Variants in PDE4C observed in about 807,000 individuals in gnomAD.
PDE4C encodes 3',5'-cyclic-AMP phosphodiesterase 4C.
A neutral mutation model predicts 63.9 loss-of-function variants in PDE4C; 50 were observed. That is an observed-to-expected ratio of 0.78 (90% confidence interval 0.62 to 0.99). The LOEUF is 0.99. Ranked by LOEUF, PDE4C falls within the 50% of genes least tolerant of loss-of-function variation. The pLI is 0.00. For missense variants in PDE4C, 777 were observed against 899.1 expected (o/e 0.86, Z 1.74); for synonymous variants, 377 against 385.1 (o/e 0.98, Z 0.25).
intron 8 of PDE4C, 23 bp downstream of exon 8, chr19:18,219,211 T>C (rs1968350909): frequency 6.2e-7 from 1 of 1,613,878 alleles, no homozygotes; most frequent in African/African-American, 1.3e-5. Context: ...ACCTTGATCT[T>C]GGCATTGTGG....
At chr19:18,250,329 G>A, upstream of PDE4C, 1 of 399,130 alleles carries the variant, frequency 2.5e-6, no homozygotes, top group South Asian at 1.3e-4. Flanking sequence ...ACCTCGTCCA[G>A]GTTCTCAAAC....
exon 2 of PDE4C, chr19:18,222,185 G>C: frequency 6.2e-7 from 1 of 1,614,174 alleles, no homozygotes; most frequent in East Asian, 2.2e-5. Context: ...AGAGTTCATA[G>C]TCGCTATCTG....
In PDE4C at chr19:18,220,965, C is replaced by A. The variant is rs901778043; in HGVS notation, c.450-42G>T. On this transcript the variant is annotated intron_variant, in intron 4 of 14. Coordinates refer to ENST00000262805, the Ensembl canonical transcript of PDE4C. This position sits in a 1 kb window ranked among gnomAD's most constrained non-coding sequence, Gnocchi z 5.1. ...TCAGGCGTGGCTGCTCCGCCCATCT[C>A]GCCCCGCCCCCAAGTCCACCAGGCC... 1 of 1,576,258 alleles carries A rather than the reference C, an allele frequency of 6.3e-7. No individual in the cohort carries two copies. The highest frequency in any genetic ancestry group is 2.3e-5 in the East Asian group (1 of 43,890).
chr19:18,211,597 C>G (rs1023945412), intron 14 of PDE4C, 162 bp downstream of exon 14: 33 of 751,476 alleles, frequency 4.4e-5, no homozygotes, highest in Non-Finnish European at 6.8e-5. Flanking sequence ...CTCCCTGAAG[C>G]CCAGAGAGAA....
upstream of PDE4C, among the ~76,000 whole-genome samples, chr19:18,227,473 C>T (rs1317171679): frequency 1.3e-5 from 2 of 152,164 alleles, no homozygotes; most frequent in African/African-American, 4.8e-5. Flanking sequence ...AAACCTCAGC[C>T]GCCCACCCCT....
Position 18,213,363 on chromosome 19 carries a change from C to CA in PDE4C, c.1512+4dup. On this transcript the variant is annotated splice_donor_region_variant and intron_variant, in intron 13 of 14. Coordinates refer to ENST00000262805, the Ensembl canonical transcript of PDE4C. The stretch of plus-strand genomic sequence containing the variant: ...GGAAGCCCCAGTGCCCATCCAGCTA[C>CA]ACACCTGGATTCGGTCGGAATAGTT... 6.2e-7 allele frequency: 1 copy of CA among 1,611,734 alleles called. No homozygotes were observed. Among genetic ancestry groups the CA allele is most frequent in the Non-Finnish European group, 8.5e-7 (1 of 1,178,502 alleles).
At chr19:18,243,746 C>G (rs991236618) in intron 1 of PDE4C, among the ~76,000 whole-genome samples, 1 of 152,208 alleles carries the variant, frequency 6.6e-6, no homozygotes, top group African/African-American at 2.4e-5. Context: ...ATCCCTCCCC[C>G]ATCTGGAGTG....
upstream of PDE4C, among the ~76,000 whole-genome samples, chr19:18,227,161 G>A (rs1968756369): frequency 6.6e-6 from 1 of 152,192 alleles, no homozygotes; most frequent in African/African-American, 2.4e-5. Context: ...CCATTTTCCA[G>A]ATGGAGAAAC....
the PDE4C span, among the ~76,000 whole-genome samples, chr19:18,254,316 GAGGA>G: frequency 3.2e-4 from 48 of 152,222 alleles, no homozygotes; most frequent in African/African-American, 1.1e-3. Flanking sequence ...TTAGTGAACT[GAGGA>G]AAAGCTGTGG....
chr19:18,241,632 C>T (rs954268350), intron 1 of PDE4C, among the ~76,000 whole-genome samples: 4 of 151,994 alleles, frequency 2.6e-5, no homozygotes, highest in Non-Finnish European at 5.9e-5. Context: ...CTCACTGCAG[C>T]CTCGACCTCC....
chr19:18,208,306 G>C (rs1967771158), downstream of PDE4C: 4 of 152,310 alleles, frequency 2.6e-5, no homozygotes, highest in Admixed American at 2.6e-4. Flanking sequence ...GAAGAGGGAG[G>C]CAGAGGGGAG....
At chr19:18,223,882 C>G (rs1307025592) in intron 1 of PDE4C, among the ~76,000 whole-genome samples, 1 of 152,200 alleles carries the variant, frequency 6.6e-6, no homozygotes, top group East Asian at 1.9e-4. Context: ...CCACTCCTAG[C>G]CAACTTGCTC....
rs568256859 is a variant in PDE4C at position 18,233,358 on chromosome 19, A to G, written c.-167T>C. ...GCGGTAGAAGGTGGAACTGGGGCTC[A>G]AGGTGGGGCCGACACCGAGGAGCTG... On this transcript the variant is annotated 5_prime_UTR_variant, in exon 1 of 15. Transcript: ENST00000594465. 3 of 906,606 alleles carry G rather than the reference A, an allele frequency of 3.3e-6. No homozygotes were observed. The East Asian group carries it at 7.9e-5, about 24-fold the overall frequency. 56.2% of individuals were successfully genotyped at this position (906,606 alleles called of 1,614,324 possible). A position where few individuals can be genotyped will look rare whatever the true frequency, so the allele number is the denominator to read the frequency against.
chr19:18,252,527 G>A, upstream of PDE4C: 1 of 398,798 alleles, frequency 2.5e-6, no homozygotes, highest in Admixed American at 4.4e-5. Flanking sequence ...CACTTTGAGA[G>A]GTCAAGGTGA....
downstream of PDE4C, chr19:18,208,395 C>G (rs1277075740): frequency 6.6e-6 from 1 of 152,272 alleles, no homozygotes; most frequent in Non-Finnish European, 1.5e-5. Context: ...CTCGGAGGCC[C>G]GACCAGCAGG....
chr19:18,213,277 C>T, intron 13 of PDE4C, 91 bp downstream of exon 13: 4 of 1,142,274 alleles, frequency 3.5e-6, no homozygotes, highest in Non-Finnish European at 4.7e-6. Context: ...GAGTGAGACT[C>T]CGTCTCAATA....
upstream of PDE4C, among the ~76,000 whole-genome samples, chr19:18,237,517 CT>C (rs1600100549): frequency 6.6e-6 from 1 of 151,956 alleles, no homozygotes; most frequent in East Asian, 1.9e-4. Context: ...TGCCATTGCA[CT>C]CCAGCCTGGG....
chr19:18,235,549 G>A (rs934095199), upstream of PDE4C, among the ~76,000 whole-genome samples: 2 of 152,108 alleles, frequency 1.3e-5, no homozygotes, highest in East Asian at 3.9e-4. Context: ...CCTGGTCCAA[G>A]CACCAGTATC....
chr19:18,235,204 T>A (rs1023339661), upstream of PDE4C, among the ~76,000 whole-genome samples: 2 of 152,182 alleles, frequency 1.3e-5, no homozygotes, highest in African/African-American at 4.8e-5. Flanking sequence ...GGAGTCTCAC[T>A]GTGTTACCCA....
Sources: allele counts gnomAD v4.1 joint callset (sites outside exome capture counted in the v4.1 genomes callset), GRCh38; gene constraint gnomAD v4.1.1; non-coding constraint Gnocchi (gnomAD v3.1); transcripts MANE v1.5; gene names NCBI Gene and HGNC (gene_info 2026-07-23, HGNC 2026-07-21).